Variants in HACL1 observed in about 807,000 individuals in gnomAD.
HACL1 encodes 2-hydroxyacyl-CoA lyase 1.
HACL1 carries 64 observed loss-of-function variants against 74.2 expected under a neutral mutation model. The observed-to-expected ratio is 0.86, with a 90% confidence interval of 0.70 to 1.06. HACL1 has a LOEUF of 1.06. HACL1 is among the 50% of genes least tolerant of loss of function. The pLI, the probability that HACL1 is intolerant of heterozygous loss-of-function variation, is 0.00. For missense variants in HACL1, 728 were observed against 719.7 expected (o/e 1.01, Z -0.13); for synonymous variants, 230 against 238.8 (o/e 0.96, Z 0.34).
chr3:15,595,714 G>T, intron 3 of HACL1, among the ~76,000 whole-genome samples: 1 of 144,728 alleles, frequency 6.9e-6, no homozygotes, highest in African/African-American at 2.6e-5. Context: ...GGTTCAAGCC[G>T]ATTCTCCTGC....
Position 15,596,392 on chromosome 3 carries a change from CAGAT to C in HACL1, c.215_218del (p.Tyr72Ter). ...AACAAATTTTAGTTTACCTGCTTGTCAGATATCCAATCGCGGAGGCAGCATAACA... is the reference window on the plus strand; with the variant it reads ...AACAAATTTTAGTTTACCTGCTTGTCATCCAATCGCGGAGGCAGCATAACA... On this transcript the variant is annotated frameshift_variant, in exon 3 of 17. Transcript: ENST00000321169. LOFTEE classifies it high-confidence loss of function. 1 of 1,589,562 alleles carries C rather than the reference CAGAT, an allele frequency of 6.3e-7. No homozygotes were observed. Among genetic ancestry groups the C allele is most frequent in the Non-Finnish European group, 8.6e-7 (1 of 1,157,834 alleles).
At chr3:15,591,771 AAAGG>A (rs1419984791) in intron 3 of HACL1, 91 bp from the exon 4 acceptor site, 2 of 755,608 alleles carry the variant, frequency 2.6e-6, no homozygotes, top group Non-Finnish European at 4.6e-6. Context: ...CTTGGACTTC[AAAGG>A]AAGGACATAC....
At chr3:15,584,511 C>A (rs892749449) in intron 7 of HACL1, among the ~76,000 whole-genome samples, 72 of 152,196 alleles carry the variant, frequency 4.7e-4, no homozygotes, top group African/African-American at 1.5e-3. Flanking sequence ...TCGCTTGAAC[C>A]CAGGAGGCAG....
At chr3:15,582,785 C>T in intron 8 of HACL1, 92 bp downstream of exon 8, 1 of 634,538 alleles carries the variant, frequency 1.6e-6, no homozygotes, top group Non-Finnish European at 2.8e-6. Context: ...CAATCTCAAA[C>T]ATTAGAATAG....
intron 3 of HACL1, among the ~76,000 whole-genome samples, chr3:15,594,836 T>A (rs963373666): frequency 2.0e-5 from 3 of 152,218 alleles, no homozygotes; most frequent in African/African-American, 7.2e-5. Context: ...ATGTTTTAAA[T>A]ATGAACTTTT....
At chr3:15,568,692 A>T in intron 12 of HACL1, 106 bp from the exon 13 acceptor site, 1 of 695,102 alleles carries the variant, frequency 1.4e-6, no homozygotes, top group Non-Finnish European at 2.4e-6. Flanking sequence ...AACAACTACA[A>T]GCTACAAGGT....
intron 3 of HACL1, among the ~76,000 whole-genome samples, chr3:15,591,893 G>A (rs1221412860): frequency 2.7e-5 from 4 of 149,738 alleles, no homozygotes; most frequent in Non-Finnish European, 5.9e-5. Context: ...TACGTATATA[G>A]TGTATACACT....
intron 9 of HACL1, among the ~76,000 whole-genome samples, chr3:15,576,026 C>CAG (rs2063619111): frequency 5.2e-3 from 4 of 764 alleles, no homozygotes; most frequent in Non-Finnish European, 6.5e-3. Context: ...TGTGGTGGTG[C>CAG]GTGCCTGTAG....
chr3:15,592,555 T>C (rs1021265119), intron 3 of HACL1, among the ~76,000 whole-genome samples: 1 of 147,696 alleles, frequency 6.8e-6, no homozygotes, highest in Admixed American at 6.7e-5. Flanking sequence ...CGCACATGTG[T>C]GCGTGTATAC....
chr3:15,589,270 G>T (rs1013365428), intron 5 of HACL1, among the ~76,000 whole-genome samples: 2 of 152,154 alleles, frequency 1.3e-5, no homozygotes, highest in African/African-American at 2.4e-5. Flanking sequence ...GCTGAGGCAG[G>T]TGGATCGCTT....
At position 15,601,532 on chromosome 3, in the gene HACL1, C is replaced by G. The variant is rs1267067704; in HGVS notation, c.-69G>C. 1.2e-6 allele frequency: 2 copies of G among 1,607,856 alleles called. No homozygotes were observed. Among genetic ancestry groups the G allele is most frequent in the Non-Finnish European group, 1.7e-6 (2 of 1,179,920 alleles). ...GCGGAATCATCCAGCAAGGCAAACG[C>G]GAAATCGGCAGCACGCCACCTCTGG... On this transcript the variant is annotated 5_prime_UTR_variant, in exon 1 of 17. Transcript: ENST00000321169.
chr3:15,586,656 C>T, intron 5 of HACL1, 54 bp from the exon 6 acceptor site: 1 of 969,530 alleles, frequency 1.0e-6, no homozygotes, highest in Non-Finnish European at 1.6e-6. Flanking sequence ...TGTTACTCTC[C>T]TGAAAGAAGA....
At position 15,578,817 on chromosome 3, in the gene HACL1, A is replaced by G. The variant is rs150163897; in HGVS notation, c.803+1093T>C. Among the ~76,000 whole-genome samples the G allele has an allele frequency of 1.5e-3, 231 of 152,248 alleles. 1 individual carries two copies. Among genetic ancestry groups the G allele is most frequent in the African/African-American group, 5.3e-3 (222 of 41,540 alleles). The stretch of plus-strand genomic sequence containing the variant: ...AATCCCCATTATTTTTTTCTTCTGC[A>G]GCTTGTTCAGAGGGCAGCTTTAGTT... On this transcript the variant is annotated intron_variant, in intron 9 of 16. Transcript: ENST00000321169.
At chr3:15,576,153 T>TTAAAA (rs1217772933) in intron 9 of HACL1, among the ~76,000 whole-genome samples, 1 of 49,382 alleles carries the variant, frequency 2.0e-5, no homozygotes, top group African/African-American at 1.1e-4. Context: ...AGACTCTGTC[T>TTAAAA]CAAAAAAAAA....
At chr3:15,597,862 G>C (rs1177826565) in intron 2 of HACL1, among the ~76,000 whole-genome samples, 1 of 152,034 alleles carries the variant, frequency 6.6e-6, no homozygotes, top group Non-Finnish European at 1.5e-5. Context: ...ACTTTATTTA[G>C]ACACCCAAAA....
intron 6 of HACL1, among the ~76,000 whole-genome samples, chr3:15,586,321 C>T (rs76150181): frequency 0.033 from 5,012 of 152,112 alleles, 144 homozygotes; most frequent in Non-Finnish European, 0.047. Flanking sequence ...GAAACTTTTT[C>T]CAAAAATAAC....
chr3:15,562,887 G>C (rs2063366490), intron 16 of HACL1, among the ~76,000 whole-genome samples: 1 of 152,114 alleles, frequency 6.6e-6, no homozygotes, highest in African/African-American at 2.4e-5. Flanking sequence ...TTGCTACAGA[G>C]CCTGTTGCAC....
intron 8 of HACL1, among the ~76,000 whole-genome samples, chr3:15,580,442 T>TAG (rs1447322493): frequency 6.6e-6 from 1 of 152,172 alleles, no homozygotes; most frequent in African/African-American, 2.4e-5. Context: ...CTTCTGCCTA[T>TAG]ACCTGGGCTT....
chr3:15,584,535 C>G (rs2063762186), intron 7 of HACL1, among the ~76,000 whole-genome samples: 1 of 152,080 alleles, frequency 6.6e-6, no homozygotes, highest in African/African-American at 2.4e-5. Context: ...TTGCAGTGAG[C>G]TGAGATAGTG....
Sources: gnomAD v4.1 joint callset for allele counts (sites outside exome capture counted in the v4.1 genomes callset) on GRCh38, gnomAD v4.1.1 for gene constraint, MANE v1.5 for transcripts, NCBI Gene and HGNC (gene_info 2026-07-23, HGNC 2026-07-21) for gene names.